The following TRAK1 variants were observed in gnomAD, a reference collection of about 807,000 sequenced individuals.
TRAK1 encodes the protein trafficking kinesin-binding protein 1.
Under a neutral mutation model 92.1 loss-of-function variants are expected in TRAK1, and 33 were observed. That is an observed-to-expected ratio of 0.36 (90% CI 0.27 to 0.48). TRAK1 has a LOEUF of 0.48. Ranked by LOEUF, TRAK1 falls within the 20% of genes least tolerant of loss-of-function variation. TRAK1 has a pLI of 0.99. For missense variants in TRAK1, 1,123 were observed against 1,257.9 expected (o/e 0.89, Z 1.62); for synonymous variants, 521 against 517.3 (o/e 1.01, Z -0.10).
At chr3:42,149,479 T>A in intron 2 of TRAK1, 1 of 1,535,786 alleles carries the variant, frequency 6.5e-7, no homozygotes, top group Non-Finnish European at 8.7e-7. Context: ...TGGCAGCGTT[T>A]TACTTGACGT....
Position 42,076,084 on chromosome 3 carries a change from T to C in TRAK1, c.-518-11020T>C, listed in dbSNP as rs1345536234. Among the ~76,000 whole-genome samples, 3 of 152,032 alleles carry C rather than the reference T, an allele frequency of 2.0e-5. No individual in the cohort carries two copies. The East Asian group carries it at 5.8e-4, about 29-fold the overall frequency. ...GTCTCAAACTCCTGACCTCAGGTGA[T>C]CCACCCGCCTCAGCCTCCCAAAGTG... is the stretch of plus-strand genomic sequence containing the variant. On this transcript the variant is annotated intron_variant, in intron 1 of 16. Coordinates refer to the TRAK1 transcript ENST00000487159.
At chr3:42,126,416 A>T (rs919312551) in intron 2 of TRAK1, among the ~76,000 whole-genome samples, 3 of 152,182 alleles carry the variant, frequency 2.0e-5, no homozygotes, top group Non-Finnish European at 2.9e-5. Context: ...TGGGCTGCAG[A>T]GCTGATACCT....
At chr3:42,209,197 C>G (rs1708674234) in intron 13 of TRAK1, among the ~76,000 whole-genome samples, 1 of 152,160 alleles carries the variant, frequency 6.6e-6, no homozygotes, top group African/African-American at 2.4e-5. Context: ...TACAGAAAAC[C>G]TAAGTAAAGG....
intron 1 of TRAK1, among the ~76,000 whole-genome samples, chr3:42,053,678 G>T (rs1350103040): frequency 2.6e-5 from 4 of 152,130 alleles, no homozygotes; most frequent in Non-Finnish European, 5.9e-5. Flanking sequence ...CGCTGCCCCT[G>T]CCTGACCTGG....
chr3:42,125,370 A>T (rs1304251848), intron 1 of TRAK1, 50 bp from the exon 2 acceptor site: 2 of 1,564,970 alleles, frequency 1.3e-6, no homozygotes, highest in East Asian at 2.3e-5. Flanking sequence ...AACTAGCAGC[A>T]AGGCCATAGC....
intron 2 of TRAK1, among the ~76,000 whole-genome samples, chr3:42,153,503 G>A (rs1363723190): frequency 2.0e-5 from 3 of 152,072 alleles, no homozygotes; most frequent in Non-Finnish European, 2.9e-5. Flanking sequence ...CTCCATCCCC[G>A]CTCACCTCCC....
At chr3:42,090,445 G>C (rs1321588849), upstream of TRAK1, among the ~76,000 whole-genome samples, 2 of 152,226 alleles carry the variant, frequency 1.3e-5, no homozygotes, top group Non-Finnish European at 2.9e-5. Flanking sequence ...CAGCACTTTG[G>C]GAGGCCGAGG....
intron 3 of TRAK1, among the ~76,000 whole-genome samples, chr3:42,178,989 A>G (rs1156705944): frequency 3.3e-5 from 5 of 152,088 alleles, no homozygotes; most frequent in African/African-American, 4.8e-5. Flanking sequence ...ATAAAACAAA[A>G]CAAAACAAAA....
intron 1 of TRAK1, among the ~76,000 whole-genome samples, chr3:42,103,169 A>G (rs1707044289): frequency 6.6e-6 from 1 of 151,852 alleles, no homozygotes; most frequent in Non-Finnish European, 1.5e-5. Flanking sequence ...GTGTGGCTGC[A>G]TTCTTTTTTT....
At chr3:42,203,927 C>T in intron 13 of TRAK1, 2 of 985,330 alleles carry the variant, frequency 2.0e-6, no homozygotes, top group Non-Finnish European at 2.4e-6. Context: ...CAATATTGCC[C>T]CTGTGAGACT....
At position 42,121,620 on chromosome 3, in the gene TRAK1, C is replaced by T. The variant is rs1709891012; in HGVS notation, c.92-3800C>T. Among the ~76,000 whole-genome samples the T allele has an allele frequency of 4.6e-5, 7 of 152,122 alleles. No individual in the cohort carries two copies. In the South Asian group the frequency reaches 1.5e-3, roughly 32 times the overall value. ...ACCTGATGTCAGGCCTTGGATGTGT[C>T]CTCCCCTTGAGGCAAACATGGTGTC... On this transcript the variant is annotated intron_variant, in intron 1 of 15. Coordinates refer to ENST00000327628, the MANE Select transcript of TRAK1 (RefSeq NM_001042646.3).
chr3:42,106,201 C>A (rs3856733), intron 1 of TRAK1, among the ~76,000 whole-genome samples: 2 of 151,878 alleles, frequency 1.3e-5, no homozygotes, highest in Admixed American at 6.6e-5. Flanking sequence ...GCCTAAATGC[C>A]CCAATTAAAA....
chr3:42,209,467 A>G (rs1708716259), intron 13 of TRAK1, among the ~76,000 whole-genome samples: 1 of 152,194 alleles, frequency 6.6e-6, no homozygotes, highest in Admixed American at 6.5e-5. Context: ...TGATTAAAAT[A>G]AAGACCTTGC....
chr3:42,160,171 G>T, intron 2 of TRAK1: 1 of 1,321,454 alleles, frequency 7.6e-7, no homozygotes, highest in South Asian at 2.4e-5. Flanking sequence ...TCCTGCCCGG[G>T]TGATGCTGGG....
Position 42,146,675 on chromosome 3 carries a change from C to T in TRAK1, c.286+21061C>T, listed in dbSNP as rs990542176. Among the ~76,000 whole-genome samples, 3 of 152,228 alleles carry T rather than the reference C, an allele frequency of 2.0e-5. No individual in the cohort carries two copies. In the East Asian group the frequency reaches 5.8e-4, roughly 29 times the overall value. ...GCTCAGGTGATCCTCCAGCTTCAGC[C>T]TCCCAAGTAGCTGGGTCTACAGGCA... is the stretch of plus-strand genomic sequence containing the variant. On this transcript the variant is annotated intron_variant, in intron 2 of 15. Transcript: ENST00000327628.
intron 1 of TRAK1, among the ~76,000 whole-genome samples, chr3:42,122,746 G>A (rs61666600): frequency 0.082 from 12,496 of 152,184 alleles, 558 homozygotes; most frequent in Middle Eastern, 0.15. Flanking sequence ...GGGAAGAAAT[G>A]TGAAAAATCT....
chr3:42,174,108 C>A (rs1179305023), intron 2 of TRAK1, among the ~76,000 whole-genome samples: 1 of 152,160 alleles, frequency 6.6e-6, no homozygotes, highest in East Asian at 1.9e-4. Flanking sequence ...CTCACTGCAA[C>A]CTCCACCTCC....
chr3:42,162,977 A>T (rs1212850984), intron 2 of TRAK1, among the ~76,000 whole-genome samples: 2 of 152,230 alleles, frequency 1.3e-5, no homozygotes, highest in African/African-American at 4.8e-5. Flanking sequence ...CTTCCTAAGT[A>T]CTTGGCACCA....
chr3:42,176,869 T>C lies in TRAK1; in HGVS notation c.342T>C (p.Ala114=). The part of the protein sequence containing the change: ...QMTKTYNDID[A]VTRLLEEKER... ...CTAAGACATATAATGACATAGATGC[T>C]GTCACTCGGCTTCTTGAGGAGGTAA... The change falls in exon 3 of 16, where the codon GCT becomes GCC. Residue 114 remains alanine (A), a synonymous_variant. Transcript: ENST00000327628. The C allele has an allele frequency of 6.2e-7, 1 of 1,614,110 alleles. No individual in the cohort carries two copies. The highest frequency in any genetic ancestry group is 1.1e-5 in the South Asian group (1 of 91,050).
Sources: gnomAD v4.1 joint callset for allele counts (sites outside exome capture counted in the v4.1 genomes callset) on GRCh38, gnomAD v4.1.1 for gene constraint, MANE v1.5 for transcripts, NCBI Gene and HGNC (gene_info 2026-07-23, HGNC 2026-07-21) for gene names.